AKR1B10: variants seen among roughly 807,000 people sequenced by gnomAD.
AKR1B10 encodes aldo-keto reductase family 1 member B10.
In AKR1B10, 39 loss-of-function variants were observed where a neutral mutation model predicts 38.9. That is an observed-to-expected ratio of 1.00 (90% confidence interval 0.78 to 1.31). AKR1B10 has a LOEUF of 1.31. Ranked by LOEUF, AKR1B10 falls within the 50% of genes most tolerant of loss-of-function variation. The pLI, the probability that AKR1B10 is intolerant of heterozygous loss-of-function variation, is 0.00. For synonymous variants in AKR1B10, 148 were observed against 141.2 expected, an observed-to-expected ratio of 1.05 and a Z score of -0.34; for missense variants, 361 against 382.6, an observed-to-expected ratio of 0.94 and a Z score of 0.47.
Position 134,541,153 on chromosome 7 carries a change from C to A in AKR1B10, c.*64C>A. On this transcript the variant is annotated 3_prime_UTR_variant, in exon 10 of 10. Coordinates refer to ENST00000359579, the MANE Select transcript of AKR1B10 (RefSeq NM_020299.5). ...TTCTTCGCTGAAGTGTGACTACCTC[C>A]ACTCATGTCCCATTTTAGCCAAGCT... is the stretch of plus-strand genomic sequence containing the variant. The A allele has an allele frequency of 8.1e-7, 1 of 1,232,498 alleles. No homozygotes were observed. Among genetic ancestry groups the A allele is most frequent in the Non-Finnish European group, 1.2e-6 (1 of 856,132 alleles). The allele number at this position is 1,232,498 out of a possible 1,614,324, so 76.3% of individuals were successfully genotyped here.
intron 6 of AKR1B10, 45 bp downstream of exon 6, chr7:134,537,202 A>G: frequency 6.5e-7 from 1 of 1,549,454 alleles, no homozygotes; most frequent in South Asian, 1.2e-5. Context: ...AATCTTAAAA[A>G]CATTATTTTA....
intron 9 of AKR1B10, chr7:134,539,222 T>G: frequency 1.6e-6 from 1 of 623,438 alleles, no homozygotes; most frequent in Non-Finnish European, 2.8e-6. Context: ...AACTTCTGGA[T>G]GTAGAGCTAG....
intron 4 of AKR1B10, chr7:134,535,596 T>C: frequency 1.1e-6 from 1 of 930,724 alleles, no homozygotes; most frequent in African/African-American, 1.9e-5. Flanking sequence ...TTTTTTTTTT[T>C]TTTTTTTTTT....
chr7:134,535,607 T>TTTTTTTTTG, intron 4 of AKR1B10: 2 of 951,630 alleles, frequency 2.1e-6, no homozygotes, highest in Non-Finnish European at 2.5e-6. Context: ...TTTTTTTTTT[T>TTTTTTTTTG]TCTTTTGAGG....
At position 134,538,081 on chromosome 7, in the gene AKR1B10, T is replaced by C. The variant is rs56709486; in HGVS notation, c.742-113T>C. 2,758 of 985,696 alleles carry C rather than the reference T, an allele frequency of 2.8e-3. 65 individuals are homozygous for C. In the East Asian group the frequency reaches 0.058, roughly 21 times the overall value. The allele number at this position is 985,696 out of a possible 1,614,324, so 61.1% of individuals were successfully genotyped here. A position where few individuals can be genotyped will look rare whatever the true frequency, so the allele number is the denominator to read the frequency against. ...ATAGCTGTGAAGGGCTCAGTAATTA[T>C]TAGCGATTGTACCTGAAGCCACAGT... On this transcript the variant is annotated intron_variant, in intron 7 of 9. Transcript: ENST00000359579.
At chr7:134,530,526 C>T in intron 1 of AKR1B10, 117 bp from the exon 2 acceptor site, 1 of 1,089,978 alleles carries the variant, frequency 9.2e-7, no homozygotes, top group Non-Finnish European at 1.3e-6. Flanking sequence ...ATTCCAGCTA[C>T]TCGGGAGGTG....
In AKR1B10 at chr7:134,527,863, A is replaced by G; in HGVS notation, c.-49A>G. ...TGTCTCAAAAACAGCAACAGAGAGCAGGACGTGAGACTTCTACCTGCTCAC... is the reference window on the plus strand; with the variant it reads ...TGTCTCAAAAACAGCAACAGAGAGCGGGACGTGAGACTTCTACCTGCTCAC... On this transcript the variant is annotated 5_prime_UTR_variant, in exon 1 of 10. Transcript: ENST00000359579. 1 of 1,611,768 alleles carries G rather than the reference A, an allele frequency of 6.2e-7. No individual in the cohort carries two copies. The highest frequency in any genetic ancestry group is 8.5e-7 in the Non-Finnish European group (1 of 1,179,640).
At position 134,527,769 on chromosome 7, in the gene AKR1B10, C is replaced by G; in HGVS notation, c.-143C>G. ...GCTGAGGCAGGAGAATTGCTTGAAC[C>G]CAGGAGACAGAGGTTGTAGTGAGCT... is the stretch of plus-strand genomic sequence containing the variant. On this transcript the variant is annotated 5_prime_UTR_variant, in exon 1 of 10. Coordinates refer to ENST00000359579, the MANE Select transcript of AKR1B10 (RefSeq NM_020299.5). The G allele has an allele frequency of 8.0e-7, 1 of 1,244,842 alleles. No individual in the cohort carries two copies. The highest frequency in any genetic ancestry group is 1.6e-5 in the South Asian group (1 of 62,744). The allele number at this position is 1,244,842 out of a possible 1,614,324, so 77.1% of individuals were successfully genotyped here.
At position 134,537,128 on chromosome 7, in the gene AKR1B10, C is replaced by A. The variant is rs1374540050; in HGVS notation, c.630C>A (p.Tyr210Ter). 1.3e-6 allele frequency: 2 copies of A among 1,597,390 alleles called. No homozygotes were observed. The highest frequency in any genetic ancestry group is 1.7e-6 in the Non-Finnish European group (2 of 1,171,590). The change falls in exon 6 of 10, where the codon TAC becomes TAA. Residue 210 changes from tyrosine to a stop codon, truncating the protein, a stop_gained. Coordinates refer to ENST00000359579, the MANE Select transcript of AKR1B10 (RefSeq NM_020299.5). LOFTEE classifies it high-confidence loss of function. ...CHSKGITVTAYSPLGSPDRPW... is the reference protein window; with the variant it reads ...CHSKGITVTA ...CCAAGGGCATCACCGTTACGGCCTA[C>A]AGCCCCCTGGGCTCTCCGGATAGAC... is the stretch of plus-strand genomic sequence containing the variant.
chr7:134,532,162 A>G (rs1490612356), intron 3 of AKR1B10, 138 bp downstream of exon 3: 2 of 1,074,666 alleles, frequency 1.9e-6, no homozygotes, highest in Admixed American at 1.9e-5. Context: ...GTGGTCAGGA[A>G]GAGACCTTGG....
intron 1 of AKR1B10, among the ~76,000 whole-genome samples, chr7:134,529,600 C>G (rs1585749887): frequency 6.6e-6 from 1 of 152,090 alleles, no homozygotes; most frequent in African/African-American, 2.4e-5. Flanking sequence ...GTTTCTTGTC[C>G]AGGTGGTAGG....
At chr7:134,535,602 T>A in intron 4 of AKR1B10, 1 of 953,904 alleles carries the variant, frequency 1.0e-6, no homozygotes, top group Non-Finnish European at 1.2e-6. Context: ...TTTTTTTTTT[T>A]TTTTTTCTTT....
intron 1 of AKR1B10, among the ~76,000 whole-genome samples, chr7:134,529,037 C>T (rs1352200003): frequency 1.3e-5 from 2 of 152,204 alleles, no homozygotes; most frequent in African/African-American, 2.4e-5. Context: ...CCTCCCTCTG[C>T]CTTCTTTGCC....
chr7:134,528,797 C>T (rs924315706), intron 1 of AKR1B10, among the ~76,000 whole-genome samples: 2 of 152,150 alleles, frequency 1.3e-5, no homozygotes, highest in African/African-American at 4.8e-5. Flanking sequence ...TCTCAGGCTC[C>T]AACCCAGGCT....
intron 4 of AKR1B10, chr7:134,535,512 T>A: frequency 1.5e-6 from 1 of 680,960 alleles, no homozygotes; most frequent in Non-Finnish European, 1.8e-6. Flanking sequence ...GAACATGTCG[T>A]GCTTATCCCT....
chr7:134,537,728 T>C, intron 7 of AKR1B10, 67 bp downstream of exon 7: 1 of 1,581,120 alleles, frequency 6.3e-7, no homozygotes, highest in Non-Finnish European at 8.7e-7. Context: ...TCATATCCTG[T>C]GTTGTCCTCA....
chr7:134,539,189 C>G (rs924415976), intron 9 of AKR1B10, 172 bp downstream of exon 9: 1 of 680,864 alleles, frequency 1.5e-6, no homozygotes, highest in African/African-American at 1.8e-5. Flanking sequence ...AGGGACACAT[C>G]TCTAATTGCT....
At position 134,527,712 on chromosome 7, in the gene AKR1B10, G is replaced by A. The variant is rs1372813958; in HGVS notation, c.-200G>A. 9 of 466,154 alleles carry A rather than the reference G, an allele frequency of 1.9e-5. No individual in the cohort carries two copies. The highest frequency in any genetic ancestry group is 3.0e-5 in the Non-Finnish European group (8 of 262,976). The allele number at this position is 466,154 out of a possible 1,614,324, so 28.9% of individuals were successfully genotyped here. On this transcript the variant is annotated 5_prime_UTR_variant, in exon 1 of 10. Transcript: ENST00000359579. ...AATATAAAAATTAGCTGGGAGTCAC[G>A]GTGGGCGCCTGTAATCCCAGCTACT...
intron 1 of AKR1B10, among the ~76,000 whole-genome samples, chr7:134,529,174 TG>T (rs1807780834): frequency 6.6e-6 from 1 of 152,184 alleles, no homozygotes; most frequent in African/African-American, 2.4e-5. Context: ...TTTCCTTCTG[TG>T]CACCCTGATT....
Sources: gnomAD v4.1 joint callset for allele counts (sites outside exome capture counted in the v4.1 genomes callset) on GRCh38, gnomAD v4.1.1 for gene constraint, MANE v1.5 for transcripts, NCBI Gene and HGNC (gene_info 2026-07-23, HGNC 2026-07-21) for gene names.